Variants in KIAA0319L observed in about 807,000 individuals in gnomAD.
KIAA0319L encodes the protein KIAA0319 like, also known as dyslexia-associated protein KIAA0319-like protein.
In KIAA0319L, 55 loss-of-function variants were observed where a neutral mutation model predicts 120.1. The ratio of observed to expected loss-of-function variants is 0.46; its 90% CI spans 0.37 to 0.57. The LOEUF (loss-of-function observed/expected upper bound fraction) is 0.57. KIAA0319L is among the 20% of genes least tolerant of loss of function. The pLI is 0.00. For synonymous variants in KIAA0319L, 398 were observed against 471.9 expected (o/e 0.84, Z 2.03); for missense variants, 1,049 against 1,255.3 (o/e 0.84, Z 2.48).
At chr1:35,459,119 T>C (rs1346829605) in intron 9 of KIAA0319L, among the ~76,000 whole-genome samples, 1 of 151,674 alleles carries the variant, frequency 6.6e-6, no homozygotes, top group African/African-American at 2.4e-5. Flanking sequence ...AGGCCCTGAG[T>C]GCAATAGGGA....
intron 2 of KIAA0319L, among the ~76,000 whole-genome samples, chr1:35,545,245 ACT>A (rs1646939983): frequency 6.6e-6 from 1 of 152,000 alleles, no homozygotes; most frequent in East Asian, 1.9e-4. Context: ...GCATGCTGGA[ACT>A]CTGGCCCTCT....
intron 12 of KIAA0319L, among the ~76,000 whole-genome samples, chr1:35,452,825 TCAAA>T (rs34021272): frequency 0.096 from 14,556 of 151,384 alleles, 1,200 homozygotes; most frequent in East Asian, 0.43. Flanking sequence ...AATGCCTTTG[TCAAA>T]CAAACAAACA....
chr1:35,505,338 G>GT (rs973352856), intron 3 of KIAA0319L, among the ~76,000 whole-genome samples: 27 of 152,108 alleles, frequency 1.8e-4, no homozygotes, highest in East Asian at 1.2e-3. Context: ...TGTCCAGAAT[G>GT]TTTTTTTACC....
intron 2 of KIAA0319L, among the ~76,000 whole-genome samples, chr1:35,522,283 T>C (rs1645954403): frequency 6.6e-6 from 1 of 152,116 alleles, no homozygotes; most frequent in Non-Finnish European, 1.5e-5. Flanking sequence ...TTTGTTTGTT[T>C]ATTTATTTAT....
chr1:35,519,813 TCATC>T (rs1212565974), intron 2 of KIAA0319L, among the ~76,000 whole-genome samples: 1 of 152,180 alleles, frequency 6.6e-6, no homozygotes, highest in African/African-American at 2.4e-5. Flanking sequence ...CGTTTCAGAT[TCATC>T]TTATCTGTCC....
At chr1:35,493,337 G>A (rs758157233) in intron 3 of KIAA0319L, among the ~76,000 whole-genome samples, 5 of 151,714 alleles carry the variant, frequency 3.3e-5, no homozygotes, top group African/African-American at 9.7e-5. Context: ...TACTATGTAC[G>A]TACCCACTAA....
At chr1:35,447,453 T>C (rs765413533) in intron 16 of KIAA0319L, among the ~76,000 whole-genome samples, 2 of 152,186 alleles carry the variant, frequency 1.3e-5, no homozygotes, top group African/African-American at 4.8e-5. Flanking sequence ...TGACTTCTTC[T>C]GGAAGAAACT....
intron 5 of KIAA0319L, among the ~76,000 whole-genome samples, chr1:35,471,270 T>C (rs1291323073): frequency 6.6e-6 from 1 of 152,114 alleles, no homozygotes; most frequent in Non-Finnish European, 1.5e-5. Flanking sequence ...CCACTGAAAA[T>C]ACATGTCCGA....
chr1:35,554,267 T>A, intron 2 of KIAA0319L, 83 bp downstream of exon 2: 4 of 1,049,684 alleles, frequency 3.8e-6, no homozygotes, highest in Non-Finnish European at 5.2e-6. Flanking sequence ...TGCCTCCTAA[T>A]AGTCCTTAAA....
intron 6 of KIAA0319L, among the ~76,000 whole-genome samples, chr1:35,468,213 G>A (rs993065850): frequency 2.0e-5 from 3 of 151,326 alleles, no homozygotes; most frequent in Non-Finnish European, 2.9e-5. Context: ...ACCACAAGTA[G>A]TATCTTTGGC....
At chr1:35,491,556 G>C (rs1297498013) in intron 3 of KIAA0319L, among the ~76,000 whole-genome samples, 2 of 152,026 alleles carry the variant, frequency 1.3e-5, no homozygotes, top group Non-Finnish European at 2.9e-5. Context: ...TATCTCGAAA[G>C]TACTGAAAGC....
intron 2 of KIAA0319L, among the ~76,000 whole-genome samples, chr1:35,520,325 C>T (rs12077010): frequency 0.16 from 23,784 of 151,874 alleles, 3,697 homozygotes; most frequent in East Asian, 0.52. Flanking sequence ...GTCTCAAACT[C>T]CTGACCTCAT....
chr1:35,495,401 G>A (rs554273835), intron 3 of KIAA0319L, among the ~76,000 whole-genome samples: 2 of 152,138 alleles, frequency 1.3e-5, no homozygotes, highest in East Asian at 1.9e-4. Flanking sequence ...GAATCTTTCA[G>A]AAGAAAACTT....
chr1:35,506,785 G>C lies in KIAA0319L; in HGVS notation c.493C>G (p.Pro165Ala). The C allele has an allele frequency of 6.2e-7, 1 of 1,614,186 alleles. No individual in the cohort carries two copies. Among genetic ancestry groups the C allele is most frequent in the Non-Finnish European group, 8.5e-7 (1 of 1,180,028 alleles). ...GCAGGTCTGAGTGCAGCTCTGGGTG[G>C]GCTCTGCCTCCAAGATGCCCAGTTC... Reference protein sequence around the residue: ...GWNWASWRQSPPRAALRPAVS... With the variant: ...GWNWASWRQSAPRAALRPAVS... Residue 165 changes from proline (P) to alanine (A), a missense_variant, in exon 3 of 21, where the codon CCA becomes GCA. Physicochemically the swap from Pro to Ala is conservative, Grantham distance 27. Coordinates refer to ENST00000325722, the MANE Select transcript of KIAA0319L (RefSeq NM_024874.5). This position sits in a 1 kb window ranked among gnomAD's most constrained non-coding sequence, Gnocchi z 4.0.
intron 3 of KIAA0319L, among the ~76,000 whole-genome samples, chr1:35,499,780 TAA>T (rs531553228): frequency 3.2e-5 from 3 of 93,390 alleles, no homozygotes; most frequent in Admixed American, 1.0e-4. Flanking sequence ...TAAAAACAAG[TAA>T]AAAAAAAAAA....
intron 6 of KIAA0319L, among the ~76,000 whole-genome samples, chr1:35,469,372 A>G (rs1470999109): frequency 6.6e-6 from 1 of 152,098 alleles, no homozygotes; most frequent in East Asian, 1.9e-4. Flanking sequence ...TAGTCAGGTG[A>G]TTTTTCTAAT....
At chr1:35,454,272 C>A in intron 11 of KIAA0319L, 90 bp downstream of exon 11, 2 of 1,408,000 alleles carry the variant, frequency 1.4e-6, no homozygotes, top group Admixed American at 1.8e-5. Context: ...CTGCTTCTAC[C>A]CTCATACAGC....
At chr1:35,456,915 T>A (rs113082989) in intron 9 of KIAA0319L, among the ~76,000 whole-genome samples, 6 of 109,998 alleles carry the variant, frequency 5.5e-5, no homozygotes, top group Admixed American at 9.2e-5. Context: ...AAGGAAGGAA[T>A]GAAGGAAGGA....
At chr1:35,442,124 A>G (rs1233278474) in intron 19 of KIAA0319L, 122 bp downstream of exon 19, 1 of 762,076 alleles carries the variant, frequency 1.3e-6, no homozygotes, top group East Asian at 2.5e-5. Flanking sequence ...GTGGGTCAGA[A>G]CTCTCTAATG....
Sources: allele counts gnomAD v4.1 joint callset (sites outside exome capture counted in the v4.1 genomes callset), GRCh38; gene constraint gnomAD v4.1.1; non-coding constraint Gnocchi (gnomAD v3.1); transcripts MANE v1.5; gene names NCBI Gene and HGNC (gene_info 2026-07-23, HGNC 2026-07-21).